Variants in WDR62 observed in about 807,000 individuals in gnomAD.
WDR62 encodes WD repeat domain 62.
Under a neutral mutation model 160.6 loss-of-function variants are expected in WDR62, and 112 were observed. The observed-to-expected ratio is 0.70, with a 90% CI of 0.60 to 0.82. The LOEUF is 0.82. WDR62 is among the 40% of genes least tolerant of loss of function. The pLI is 0.00. For missense variants in WDR62, 1,819 were observed against 1,983.8 expected, an observed-to-expected ratio of 0.92 and a Z score of 1.58; for synonymous variants, 792 against 815.1, an observed-to-expected ratio of 0.97 and a Z score of 0.48.
At chr19:36,098,192 C>T (rs561574765) in intron 21 of WDR62, among the ~76,000 whole-genome samples, 1 of 152,026 alleles carries the variant, frequency 6.6e-6, no homozygotes, top group South Asian at 2.1e-4. Context: ...TCACTTCAGC[C>T]CAGGAGTTGG....
At chr19:36,100,113 TTTTG>T (rs1236698956) in intron 22 of WDR62, among the ~76,000 whole-genome samples, 4 of 152,192 alleles carry the variant, frequency 2.6e-5, no homozygotes, top group African/African-American at 4.8e-5. Flanking sequence ...TTTTAAATTT[TTTTG>T]TTTGTTTTGT....
intron 11 of WDR62, among the ~76,000 whole-genome samples, chr19:36,083,977 G>A (rs1016430725): frequency 5.9e-5 from 9 of 152,126 alleles, no homozygotes; most frequent in South Asian, 2.1e-4. Flanking sequence ...CCAGCTCAGT[G>A]TGTCAGTGAG....
intron 20 of WDR62, among the ~76,000 whole-genome samples, chr19:36,096,021 G>A (rs1231931392): frequency 6.6e-6 from 1 of 152,216 alleles, no homozygotes; most frequent in Non-Finnish European, 1.5e-5. Context: ...TCCTCGAAAT[G>A]TGAGGACTTC....
At chr19:36,073,620 A>G (rs1971421535) in intron 9 of WDR62, 89 bp downstream of exon 9, 1 of 1,072,306 alleles carries the variant, frequency 9.3e-7, no homozygotes. Context: ...CCTTCAGAAG[A>G]TACTCATTGA....
chr19:36,100,986 A>T, intron 23 of WDR62, 111 bp downstream of exon 23: 1 of 1,548,198 alleles, frequency 6.5e-7, no homozygotes, highest in Non-Finnish European at 8.9e-7. Flanking sequence ...GAGTGGGGAC[A>T]GTTGAGGCCT....
chr19:36,074,700 C>T (rs1420953313), intron 9 of WDR62, among the ~76,000 whole-genome samples: 2 of 152,116 alleles, frequency 1.3e-5, no homozygotes, highest in East Asian at 3.8e-4. Context: ...AATCTGTCTG[C>T]CTTCATGGGG....
At chr19:36,059,908 A>G in intron 2 of WDR62, 60 bp from the exon 3 acceptor site, 4 of 1,571,370 alleles carry the variant, frequency 2.5e-6, no homozygotes, top group Non-Finnish European at 3.5e-6. Flanking sequence ...GTGGGAATAG[A>G]ATCATCCCAG....
intron 8 of WDR62, among the ~76,000 whole-genome samples, chr19:36,072,728 TGTA>T (rs1051504518): frequency 2.1e-4 from 32 of 152,146 alleles, no homozygotes; most frequent in Non-Finnish European, 2.6e-4. Context: ...AGTGTTGTGT[TGTA>T]GTAGTCGGGC....
chr19:36,082,162 C>T (rs1971937627), intron 10 of WDR62, among the ~76,000 whole-genome samples: 1 of 152,238 alleles, frequency 6.6e-6, no homozygotes, highest in Non-Finnish European at 1.5e-5. Context: ...TAAGACTCTT[C>T]TGTCCTGTGG....
intron 2 of WDR62, among the ~76,000 whole-genome samples, chr19:36,059,411 A>G (rs57658467): frequency 0.14 from 21,005 of 152,152 alleles, 1,788 homozygotes; most frequent in Middle Eastern, 0.25. Flanking sequence ...AGGATTTAAA[A>G]CAATTACATC....
At position 36,103,570 on chromosome 19, in the gene WDR62, C is replaced by T; in HGVS notation, c.3742C>T (p.Pro1248Ser). ...CCCTATCGTGGCCACACTGGCCCAG[C>T]CCCTCCGTAGGCCATCGTCCGTTGG... Reference protein sequence around the residue: ...EGPIVATLAQPLRRPSSVGEL... With the variant: ...EGPIVATLAQSLRRPSSVGEL... The change falls in exon 30 of 32, where the codon CCC (proline) becomes TCC (serine). Residue 1248 changes from proline (P) to serine (S), a missense_variant. Pro to Ser is a moderately conservative substitution (Grantham distance 74, BLOSUM62 -1). This residue lies in a region of WDR62 where 770 missense variants were observed against 734.2 expected (regional missense o/e 1.05). Coordinates refer to ENST00000401500, the MANE Select transcript of WDR62 (RefSeq NM_001083961.2). 6.2e-7 allele frequency: 1 copy of T among 1,613,894 alleles called. No individual in the cohort carries two copies. Among genetic ancestry groups the T allele is most frequent in the Non-Finnish European group, 8.5e-7 (1 of 1,180,022 alleles).
chr19:36,090,406 CG>C (rs1972519344), intron 15 of WDR62, 38 bp from the exon 16 acceptor site: 2 of 1,598,156 alleles, frequency 1.3e-6, no homozygotes, highest in African/African-American at 1.3e-5. Context: ...GTGGGGTAGG[CG>C]GGGCCCTGTT....
intron 5 of WDR62, 109 bp downstream of exon 5, chr19:36,066,536 C>A: frequency 1.6e-6 from 2 of 1,214,874 alleles, no homozygotes; most frequent in Non-Finnish European, 2.3e-6. Flanking sequence ...CTCACTCACC[C>A]AACAGATAAC....
intron 11 of WDR62, among the ~76,000 whole-genome samples, chr19:36,083,809 A>G (rs1972045134): frequency 1.3e-5 from 2 of 152,222 alleles, no homozygotes; most frequent in Admixed American, 1.3e-4. Context: ...TAGAGGGGAC[A>G]TAAAGGGGCA....
intron 9 of WDR62, among the ~76,000 whole-genome samples, chr19:36,079,509 TTCTAC>T (rs2145690783): frequency 6.6e-6 from 1 of 152,334 alleles, no homozygotes; most frequent in East Asian, 1.9e-4. Context: ...TCAATTTCAT[TTCTAC>T]TCTTAGCAGT....
intron 7 of WDR62, among the ~76,000 whole-genome samples, chr19:36,069,190 G>C (rs932536381): frequency 3.5e-5 from 5 of 143,852 alleles, no homozygotes; most frequent in Non-Finnish European, 5.9e-5. Flanking sequence ...ACCTCCCTCC[G>C]GGACGGGGCG....
At chr19:36,110,562 G>T in the WDR62 span, among the ~76,000 whole-genome samples, 1 of 152,206 alleles carries the variant, frequency 6.6e-6, no homozygotes, top group African/African-American at 2.4e-5. Context: ...CTAGGGGCTA[G>T]ATTATTAACA....
At chr19:36,080,606 G>A (rs1466249225) in intron 9 of WDR62, among the ~76,000 whole-genome samples, 2 of 151,378 alleles carry the variant, frequency 1.3e-5, no homozygotes, top group Admixed American at 1.3e-4. Context: ...TTACAGGTGT[G>A]CACCACCACG....
At chr19:36,065,411 T>C (rs898078743) in intron 3 of WDR62, among the ~76,000 whole-genome samples, 3 of 152,244 alleles carry the variant, frequency 2.0e-5, no homozygotes, top group African/African-American at 7.2e-5. Flanking sequence ...CAGTGAATCT[T>C]GCTGCCAGAA....
Sources: gnomAD v4.1 joint callset for allele counts (sites outside exome capture counted in the v4.1 genomes callset) on GRCh38, gnomAD v4.1.1 for gene constraint, gnomAD v4.1.1 regional missense constraint, MANE v1.5 for transcripts, NCBI Gene and HGNC (gene_info 2026-07-23, HGNC 2026-07-21) for gene names.